AOPEP: variants seen among roughly 807,000 people sequenced by gnomAD.
The protein encoded by AOPEP is aminopeptidase O.
In AOPEP, 77 loss-of-function variants were observed where a neutral mutation model predicts 98.1. The ratio of observed to expected loss-of-function variants is 0.78; its 90% CI spans 0.65 to 0.95. AOPEP has a LOEUF of 0.95. Among genes scored for constraint, AOPEP ranks in the 40% least tolerant of loss-of-function variants. The pLI, the probability that AOPEP is intolerant of heterozygous loss-of-function variation, is 0.00. For synonymous variants in AOPEP, 346 were observed against 365.3 expected (o/e 0.95, Z 0.60); for missense variants, 1,024 against 1,024.7 (o/e 1.00, Z 0.01).
intron 5 of AOPEP, among the ~76,000 whole-genome samples, chr9:94,909,346 TAAAAAA>T (rs3052031): frequency 2.4e-5 from 2 of 82,032 alleles, no homozygotes; most frequent in South Asian, 5.5e-4. Flanking sequence ...TTTGGAGCCT[TAAAAAA>T]AAAAAAAAAA....
intron 5 of AOPEP, among the ~76,000 whole-genome samples, chr9:94,820,006 C>T (rs1852682813): frequency 1.5e-5 from 2 of 136,676 alleles, no homozygotes; most frequent in Admixed American, 8.4e-5. Context: ...AGCACAGTGG[C>T]GCAATCTCGG....
chr9:94,844,031 A>G (rs2042565357), intron 5 of AOPEP, among the ~76,000 whole-genome samples: 1 of 151,994 alleles, frequency 6.6e-6, no homozygotes, highest in Non-Finnish European at 1.5e-5. Context: ...CATATCATTT[A>G]TTTTCTTAAA....
At chr9:94,757,506 T>G (rs1324845230) in intron 1 of AOPEP, among the ~76,000 whole-genome samples, 2 of 152,226 alleles carry the variant, frequency 1.3e-5, no homozygotes, top group African/African-American at 4.8e-5. Context: ...TGGATAGGGC[T>G]CTAGGGCAGC....
rs1019803325 is a variant in AOPEP, at chr9:94,777,242, C to T, written c.964+4074C>T. Among the ~76,000 whole-genome samples the T allele has an allele frequency of 4.6e-5, 7 of 152,060 alleles. No individual in the cohort carries two copies. In the South Asian group the frequency reaches 1.5e-3, roughly 32 times the overall value. On this transcript the variant is annotated intron_variant, in intron 3 of 16. Coordinates refer to ENST00000375315, the MANE Select transcript of AOPEP (RefSeq NM_001193329.3). ...GGTCAGGAGATTGAGACCATCCTGG[C>T]TAACACGGTGAAACCCAGTCTCTAC...
the AOPEP span, chr9:95,111,448 G>T: frequency 6.2e-7 from 1 of 1,609,200 alleles, no homozygotes. Context: ...ACATGCAGTG[G>T]GGCCTGCTAC....
At chr9:95,065,182 A>G (rs2067749372) in intron 14 of AOPEP, among the ~76,000 whole-genome samples, 2 of 152,224 alleles carry the variant, frequency 1.3e-5, no homozygotes. Context: ...CTGTTTCAGG[A>G]TGCTCGATGC....
intron 13 of AOPEP, among the ~76,000 whole-genome samples, chr9:95,056,771 A>G (rs1418367696): frequency 5.9e-5 from 9 of 152,240 alleles, no homozygotes; most frequent in Non-Finnish European, 1.3e-4. Flanking sequence ...AGCAACTATG[A>G]GATCTTCCAT....
intron 11 of AOPEP, among the ~76,000 whole-genome samples, chr9:94,999,783 G>T (rs930692372): frequency 2.0e-5 from 3 of 150,528 alleles, no homozygotes; most frequent in South Asian, 4.2e-4. Context: ...TGACAATTGG[G>T]GTGTGTGTGT....
intron 5 of AOPEP, among the ~76,000 whole-genome samples, chr9:94,917,571 C>T (rs2053009288): frequency 6.6e-6 from 1 of 152,190 alleles, no homozygotes; most frequent in South Asian, 2.1e-4. Flanking sequence ...TAAGCCTCCT[C>T]TGAGAGCACT....
chr9:94,872,409 A>G (rs2046450593), intron 5 of AOPEP, among the ~76,000 whole-genome samples: 1 of 152,068 alleles, frequency 6.6e-6, no homozygotes, highest in Non-Finnish European at 1.5e-5. Context: ...ATGGGCCCAA[A>G]CCCGGGGCTC....
intron 4 of AOPEP, among the ~76,000 whole-genome samples, chr9:94,797,776 T>C (rs1847337505): frequency 6.6e-6 from 1 of 150,448 alleles, no homozygotes. Context: ...CGATCTTAGC[T>C]CACTGCAACT....
chr9:95,017,501 A>G (rs1298259803), intron 13 of AOPEP, among the ~76,000 whole-genome samples: 1 of 152,248 alleles, frequency 6.6e-6, no homozygotes, highest in Admixed American at 6.5e-5. Context: ...TGTGTATGTG[A>G]CCCATCGTTG....
In AOPEP at chr9:94,940,815, G is replaced by T. The variant is rs117025261; in HGVS notation, c.1661+12284G>T. Among the ~76,000 whole-genome samples the T allele has an allele frequency of 8.9e-3, 1,349 of 152,042 alleles. 15 individuals are homozygous for T. The highest frequency in any genetic ancestry group is 0.012 in the Non-Finnish European group (815 of 67,966). ...CAGCCTGGCTCGTCCCCTCATGTCC[G>T]CATGGCTCTGGAGCTGGGCCCTTCC... is the stretch of plus-strand genomic sequence containing the variant. On this transcript the variant is annotated intron_variant, in intron 7 of 16. Transcript: ENST00000375315.
intron 1 of AOPEP, among the ~76,000 whole-genome samples, chr9:94,743,948 A>G (rs1262960769): frequency 6.6e-6 from 1 of 152,180 alleles, no homozygotes; most frequent in African/African-American, 2.4e-5. Flanking sequence ...GCATTAATGA[A>G]GTGCTTTGAC....
At chr9:95,114,148 G>C in the AOPEP span, 2 of 195,598 alleles carry the variant, frequency 1.0e-5, no homozygotes, top group African/African-American at 4.6e-5. Flanking sequence ...TCTCATTTTA[G>C]AGAGATTTAT....
intron 10 of AOPEP, among the ~76,000 whole-genome samples, chr9:94,970,866 C>T (rs1296023122): frequency 2.0e-5 from 3 of 151,920 alleles, no homozygotes; most frequent in African/African-American, 7.3e-5. Flanking sequence ...AAGCAGTTTC[C>T]TTAGGAACTA....
chr9:94,797,421 C>T (rs1847218673), intron 4 of AOPEP, among the ~76,000 whole-genome samples: 1 of 146,818 alleles, frequency 6.8e-6, no homozygotes, highest in Non-Finnish European at 1.5e-5. Context: ...TAGAGCAAGA[C>T]TCCGTCTCAA....
intron 1 of AOPEP, among the ~76,000 whole-genome samples, chr9:94,731,461 C>T (rs960262282): frequency 1.3e-5 from 2 of 152,100 alleles, no homozygotes; most frequent in African/African-American, 2.4e-5. Flanking sequence ...CTCCTGACCC[C>T]GTGATCCGCC....
chr9:95,056,947 G>C (rs955708794), intron 13 of AOPEP, among the ~76,000 whole-genome samples: 4 of 152,144 alleles, frequency 2.6e-5, no homozygotes, highest in Non-Finnish European at 5.9e-5. Context: ...GTCCTATTTT[G>C]TGTAAATTTC....
Sources: allele counts gnomAD v4.1 joint callset (sites outside exome capture counted in the v4.1 genomes callset), GRCh38; gene constraint gnomAD v4.1.1; transcripts MANE v1.5; gene names NCBI Gene and HGNC (gene_info 2026-07-23, HGNC 2026-07-21).